Variants in ITGA1 observed in about 807,000 individuals in gnomAD.
ITGA1 encodes the protein integrin subunit alpha 1.
In ITGA1, 85 loss-of-function variants were observed where a neutral mutation model predicts 145.9. The ratio of observed to expected loss-of-function variants is 0.58; its 90% CI spans 0.49 to 0.70. The LOEUF is 0.70. Among genes scored for constraint, ITGA1 ranks in the 30% least tolerant of loss-of-function variants. ITGA1 has a pLI of 0.00. For synonymous variants in ITGA1, 520 were observed against 495.3 expected, an observed-to-expected ratio of 1.05 and a Z score of -0.66; for missense variants, 1,351 against 1,418.7, an observed-to-expected ratio of 0.95 and a Z score of 0.77.
At chr5:52,939,972 T>G (rs1904165) in intron 26 of ITGA1, 28 bp downstream of exon 26, 974,242 of 1,127,242 alleles carry the variant, frequency 0.86, 421,588 homozygotes, top group Admixed American at 0.92. Context: ...TCTATGCACT[T>G]ATTGAATAAT....
At chr5:52,936,908 T>A (rs1254861903) in intron 23 of ITGA1, among the ~76,000 whole-genome samples, 1 of 152,040 alleles carries the variant, frequency 6.6e-6, no homozygotes, top group Admixed American at 6.6e-5. Flanking sequence ...TTTTCCTGTA[T>A]AGTGGTGGCA....
rs139069325 is a variant in ITGA1 at position 52,887,910 on chromosome 5, T to A, written c.869T>A (p.Leu290Gln). ...TDGESHDNHRLKKVIQDCEDE... is the reference protein window; with the variant it reads ...TDGESHDNHRQKKVIQDCEDE... ...GGAGAGTCTCATGACAATCATCGACTGAAGAAGGTCATCCAAGACTGTGAA... is the reference window on the plus strand; with the variant it reads ...GGAGAGTCTCATGACAATCATCGACAGAAGAAGGTCATCCAAGACTGTGAA... The change falls in exon 8 of 29, where the codon CTG (leucine) becomes CAG (glutamine). Residue 290 changes from leucine (L) to glutamine (Q), a missense_variant. By Grantham distance (113) the Leu-to-Gln change is moderately radical (BLOSUM62 -2). Transcript: ENST00000282588. The A allele has an allele frequency of 3.1e-6, 5 of 1,614,070 alleles. No homozygotes were observed. The East Asian group carries it at 1.1e-4, about 36-fold the overall frequency.
At chr5:52,815,640 C>T (rs1474955821) in intron 1 of ITGA1, among the ~76,000 whole-genome samples, 1 of 152,104 alleles carries the variant, frequency 6.6e-6, no homozygotes, top group Non-Finnish European at 1.5e-5. Flanking sequence ...GAATAGGGAT[C>T]TCCTTCCCTA....
At chr5:52,819,729 A>G (rs1279519624) in intron 1 of ITGA1, among the ~76,000 whole-genome samples, 8 of 152,178 alleles carry the variant, frequency 5.3e-5, no homozygotes, top group Admixed American at 5.2e-4. Flanking sequence ...GCCCATGCCT[A>G]TGTCCTGAAT....
At chr5:52,838,866 G>T (rs1430438622) in intron 1 of ITGA1, among the ~76,000 whole-genome samples, 4 of 152,186 alleles carry the variant, frequency 2.6e-5, no homozygotes, top group Non-Finnish European at 4.4e-5. Context: ...GGAGGCCGAG[G>T]CAGGCGGATC....
intron 1 of ITGA1, among the ~76,000 whole-genome samples, chr5:52,829,154 G>A (rs565154260): frequency 6.6e-6 from 1 of 152,218 alleles, no homozygotes; most frequent in East Asian, 1.9e-4. Flanking sequence ...TTGTGTGGGG[G>A]AACACAATTC....
chr5:52,849,343 G>T (rs1415584709), intron 1 of ITGA1, 22 bp from the exon 2 acceptor site: 1 of 1,581,248 alleles, frequency 6.3e-7, no homozygotes, highest in African/African-American at 1.3e-5. Flanking sequence ...CTATGTAACT[G>T]GATTTTGTTT....
chr5:52,825,151 C>T (rs2111710803), intron 1 of ITGA1: 1 of 152,216 alleles, frequency 6.6e-6, no homozygotes, highest in Admixed American at 6.5e-5. Context: ...GTTTTCTGTT[C>T]CTATTAACAT....
At chr5:52,913,028 G>T (rs1034008841) in intron 14 of ITGA1, among the ~76,000 whole-genome samples, 1 of 151,966 alleles carries the variant, frequency 6.6e-6, no homozygotes, top group Non-Finnish European at 1.5e-5. Flanking sequence ...TTACAGGCGT[G>T]AGCCACCGTG....
intron 1 of ITGA1, among the ~76,000 whole-genome samples, chr5:52,790,028 T>G (rs973899962): frequency 2.0e-5 from 3 of 152,228 alleles, no homozygotes; most frequent in East Asian, 3.8e-4. Flanking sequence ...GATCTGAAAT[T>G]GGACTGCTTT....
chr5:52,916,335 T>G (rs1476053416), intron 15 of ITGA1, among the ~76,000 whole-genome samples: 1 of 151,386 alleles, frequency 6.6e-6, no homozygotes, highest in African/African-American at 2.5e-5. Context: ...AAGGGTTTCA[T>G]AAATAAAATC....
chr5:52,842,434 A>C (rs1580057285), intron 1 of ITGA1, among the ~76,000 whole-genome samples: 1 of 152,318 alleles, frequency 6.6e-6, no homozygotes, highest in Admixed American at 6.5e-5. Context: ...TTGTGTTTCA[A>C]GATACAGTCA....
At chr5:52,940,412 CT>C (rs35106592) in intron 26 of ITGA1, among the ~76,000 whole-genome samples, 68,878 of 133,488 alleles carry the variant, frequency 0.52, 16,834 homozygotes, top group Middle Eastern at 0.6. Context: ...AGCCTTTTTT[CT>C]TTTTTTTTTT....
In ITGA1 at chr5:52,947,431, G is replaced by A. The variant is rs752368125; in HGVS notation, c.3465G>A (p.Leu1155=). 6.2e-7 allele frequency: 1 copy of A among 1,613,296 alleles called. No homozygotes were observed. Among genetic ancestry groups the A allele is most frequent in the Non-Finnish European group, 8.5e-7 (1 of 1,179,308 alleles). ...TGAGTGCTTTTGCCGGATTGTTGCT[G>A]TTAATGCTGCTCATTTTAGCACTGT... The part of the protein sequence containing the change: ...ILLSAFAGLL[L]LMLLILALWK... Residue 1155 remains leucine, a synonymous_variant, in exon 28 of 29, where the codon CTG becomes CTA. Transcript: ENST00000282588.
chr5:52,908,303 CT>C (rs1445208851), intron 12 of ITGA1, among the ~76,000 whole-genome samples: 3 of 152,110 alleles, frequency 2.0e-5, no homozygotes, highest in African/African-American at 7.2e-5. Flanking sequence ...AGTATAAGTT[CT>C]CTGCTTTTCT....
intron 1 of ITGA1, among the ~76,000 whole-genome samples, chr5:52,799,169 T>C (rs1179399252): frequency 6.6e-6 from 1 of 152,158 alleles, no homozygotes; most frequent in Non-Finnish European, 1.5e-5. Context: ...CTCAAGAAAC[T>C]TTTAGATTCT....
chr5:52,801,667 T>C (rs1341950676), intron 1 of ITGA1: 15 of 1,613,980 alleles, frequency 9.3e-6, no homozygotes, highest in Non-Finnish European at 1.3e-5. Context: ...ACGGAGCCGG[T>C]ATGTGAGGCT....
At chr5:52,864,610 A>G (rs1749654659) in intron 3 of ITGA1, among the ~76,000 whole-genome samples, 153 bp from the exon 4 acceptor site, 1 of 152,208 alleles carries the variant, frequency 6.6e-6, no homozygotes, top group Non-Finnish European at 1.5e-5. Context: ...TGTTCATTAT[A>G]TTCCTTAAGA....
Position 52,939,223 on chromosome 5 carries a change from T to C in ITGA1, c.3079-367T>C, listed in dbSNP as rs1056419850. On this transcript the variant is annotated intron_variant, in intron 24 of 28. Coordinates refer to ENST00000282588, the MANE Select transcript of ITGA1 (RefSeq NM_181501.2). ...TGGCCGTTGTTTTTGTTTTTATCAG[T>C]AGAATTTAAATGCTTTTCTCTCTCT... Among the ~76,000 whole-genome samples the C allele has an allele frequency of 1.2e-4, 18 of 152,148 alleles. No homozygotes were observed. The East Asian group carries it at 3.5e-3, about 29-fold the overall frequency.
Sources: allele counts gnomAD v4.1 joint callset (sites outside exome capture counted in the v4.1 genomes callset), GRCh38; gene constraint gnomAD v4.1.1; transcripts MANE v1.5; gene names NCBI Gene and HGNC (gene_info 2026-07-23, HGNC 2026-07-21).